ROBO1: variants seen among roughly 807,000 people sequenced by gnomAD.
ROBO1 encodes roundabout guidance receptor 1.
A neutral mutation model predicts 195.9 loss-of-function variants in ROBO1; 149 were observed. That is an observed-to-expected ratio of 0.76 (90% CI 0.67 to 0.87). ROBO1 has a LOEUF of 0.87. Ranked by LOEUF, ROBO1 falls within the 40% of genes least tolerant of loss-of-function variation. The pLI is 0.00. For missense variants in ROBO1, 1,933 were observed against 2,068.3 expected, an observed-to-expected ratio of 0.93 and a Z score of 1.27; for synonymous variants, 816 against 733.2, an observed-to-expected ratio of 1.11 and a Z score of -1.82.
intron 2 of ROBO1, among the ~76,000 whole-genome samples, chr3:79,476,124 G>T (rs1353671697): frequency 6.6e-6 from 1 of 151,866 alleles, no homozygotes; most frequent in African/African-American, 2.4e-5. Context: ...ATATACAAAC[G>T]GCCAATAAAC....
chr3:79,447,743 T>C (rs1411752696), intron 2 of ROBO1, among the ~76,000 whole-genome samples: 2 of 152,306 alleles, frequency 1.3e-5, no homozygotes, highest in East Asian at 1.9e-4. Flanking sequence ...ATACACTAGA[T>C]AGAGTTGTTT....
chr3:78,943,594 T>C (rs953355328), intron 3 of ROBO1, among the ~76,000 whole-genome samples: 1 of 152,248 alleles, frequency 6.6e-6, no homozygotes, highest in Non-Finnish European at 1.5e-5. Flanking sequence ...TCAGGGTGAT[T>C]AGTCTGCTAA....
At chr3:79,231,760 C>A (rs1179024791) in intron 2 of ROBO1, among the ~76,000 whole-genome samples, 1 of 152,076 alleles carries the variant, frequency 6.6e-6, no homozygotes, top group African/African-American at 2.4e-5. Flanking sequence ...GACACATGCC[C>A]AGGTATGTTC....
intron 14 of ROBO1, among the ~76,000 whole-genome samples, chr3:78,664,792 A>C (rs1423759137): frequency 6.6e-6 from 1 of 151,852 alleles, no homozygotes; most frequent in Non-Finnish European, 1.5e-5. Context: ...CTCACCCCTC[A>C]TTTTTCTCCT....
At chr3:79,081,105 C>CT (rs926942736) in intron 3 of ROBO1, among the ~76,000 whole-genome samples, 4 of 151,956 alleles carry the variant, frequency 2.6e-5, no homozygotes, top group African/African-American at 7.2e-5. Context: ...AAAACCCATT[C>CT]TTTTTTTATA....
chr3:79,244,664 A>T (rs2082589815), intron 2 of ROBO1, among the ~76,000 whole-genome samples: 1 of 152,100 alleles, frequency 6.6e-6, no homozygotes, highest in Admixed American at 6.6e-5. Context: ...GCATGTTTAG[A>T]TCAAAGAACC....
At chr3:79,351,502 T>C (rs1006922004) in intron 2 of ROBO1, among the ~76,000 whole-genome samples, 4 of 152,126 alleles carry the variant, frequency 2.6e-5, no homozygotes, top group African/African-American at 9.7e-5. Context: ...TATTTTTAAA[T>C]AACAGTGAAC....
At chr3:79,522,238 C>T (rs1163180144) in intron 2 of ROBO1, among the ~76,000 whole-genome samples, 1 of 151,940 alleles carries the variant, frequency 6.6e-6, no homozygotes, top group Non-Finnish European at 1.5e-5. Flanking sequence ...CCTTCAAGAC[C>T]CTTTGCTATC....
At chr3:79,735,757 G>A (rs755878988) in intron 1 of ROBO1, among the ~76,000 whole-genome samples, 19 of 151,892 alleles carry the variant, frequency 1.3e-4, no homozygotes, top group Non-Finnish European at 2.6e-4. Context: ...TGTAGTCCCA[G>A]CTACTCGGGA....
At chr3:78,808,594 T>C (rs2084625216) in intron 4 of ROBO1, among the ~76,000 whole-genome samples, 1 of 152,158 alleles carries the variant, frequency 6.6e-6, no homozygotes, top group Admixed American at 6.5e-5. Context: ...TTTCAAATTA[T>C]ATGGAAATAA....
chr3:79,049,027 A>G (rs542923819), intron 3 of ROBO1, among the ~76,000 whole-genome samples: 1 of 152,304 alleles, frequency 6.6e-6, no homozygotes, highest in Admixed American at 6.5e-5. Context: ...GCAAGGGATC[A>G]AAACTGGACA....
chr3:78,939,826 G>A (rs1349070862), intron 3 of ROBO1, among the ~76,000 whole-genome samples: 1 of 151,508 alleles, frequency 6.6e-6, no homozygotes, highest in Non-Finnish European at 1.5e-5. Flanking sequence ...CTAAGTACCT[G>A]AGTTTAAATA....
At chr3:78,881,189 A>T (rs956480991) in intron 4 of ROBO1, among the ~76,000 whole-genome samples, 6 of 152,176 alleles carry the variant, frequency 3.9e-5, no homozygotes, top group African/African-American at 1.4e-4. Flanking sequence ...TAATAGTGGG[A>T]AGAAATATTG....
chr3:79,237,679 A>G (rs1219114802), intron 2 of ROBO1, among the ~76,000 whole-genome samples: 1 of 152,058 alleles, frequency 6.6e-6, no homozygotes, highest in South Asian at 2.1e-4. Context: ...CATACACGTA[A>G]TTTTTGTCAA....
At chr3:78,701,656 T>C (rs1251730282) in intron 8 of ROBO1, among the ~76,000 whole-genome samples, 1 of 152,210 alleles carries the variant, frequency 6.6e-6, no homozygotes, top group Admixed American at 6.5e-5. Flanking sequence ...ACTAATGACC[T>C]AAAAGGCACT....
At chr3:79,067,489 G>T (rs1198517449) in intron 3 of ROBO1, among the ~76,000 whole-genome samples, 1 of 151,936 alleles carries the variant, frequency 6.6e-6, no homozygotes, top group East Asian at 1.9e-4. Flanking sequence ...GTAAGATTCT[G>T]AGTCTGTCAA....
intron 1 of ROBO1, among the ~76,000 whole-genome samples, chr3:79,661,910 CTT>C (rs1179143658): frequency 6.6e-6 from 1 of 151,974 alleles, no homozygotes; most frequent in East Asian, 1.9e-4. Flanking sequence ...TTCCATTGTA[CTT>C]TGTTTATATT....
chr3:79,443,919 T>G (rs1036748185), intron 2 of ROBO1, among the ~76,000 whole-genome samples: 1 of 150,166 alleles, frequency 6.7e-6, no homozygotes, highest in African/African-American at 2.5e-5. Flanking sequence ...TACAAGTCAG[T>G]GAAGGAAAAG....
chr3:79,240,660 T>G (rs1443132444), intron 2 of ROBO1, among the ~76,000 whole-genome samples: 1 of 152,074 alleles, frequency 6.6e-6, no homozygotes, highest in African/African-American at 2.4e-5. Context: ...TATTTATTTA[T>G]TTTTGAGACA....
Sources: allele counts gnomAD v4.1 joint callset (sites outside exome capture counted in the v4.1 genomes callset), GRCh38; gene constraint gnomAD v4.1.1; transcripts MANE v1.5; gene names NCBI Gene and HGNC (gene_info 2026-07-23, HGNC 2026-07-21).